RBFOX1: variants seen among roughly 807,000 people sequenced by gnomAD.
RBFOX1 encodes RNA binding protein fox-1 homolog 1.
Under a neutral mutation model 57.7 loss-of-function variants are expected in RBFOX1, and 8 were observed. The ratio of observed to expected loss-of-function variants is 0.14; its 90% confidence interval spans 0.08 to 0.25. The LOEUF is 0.25. Ranked by LOEUF, RBFOX1 falls within the 10% of genes least tolerant of loss-of-function variation. The pLI is 1.00. For synonymous variants in RBFOX1, 326 were observed against 222.4 expected (o/e 1.47, Z -4.15); for missense variants, 611 against 548.5 (o/e 1.11, Z -1.14).
At chr16:6,361,576 C>G (rs2088535589) in intron 2 of RBFOX1, among the ~76,000 whole-genome samples, 1 of 150,674 alleles carries the variant, frequency 6.6e-6, no homozygotes, top group Non-Finnish European at 1.5e-5. Context: ...TGCAGTGAGC[C>G]AAGATCGCGC....
At chr16:6,181,871 G>A (rs952141381) in intron 1 of RBFOX1, among the ~76,000 whole-genome samples, 10 of 152,124 alleles carry the variant, frequency 6.6e-5, no homozygotes, top group African/African-American at 1.9e-4. Context: ...TCTGGTTGTA[G>A]GTTCCTTCCA....
chr16:7,378,156 A>T (rs905434609), intron 4 of RBFOX1, among the ~76,000 whole-genome samples: 6 of 152,192 alleles, frequency 3.9e-5, no homozygotes, highest in African/African-American at 1.4e-4. Flanking sequence ...CGGCAGAGTA[A>T]GGCAGTATGA....
At chr16:6,894,931 C>G (rs117693899) in intron 3 of RBFOX1, among the ~76,000 whole-genome samples, 1,881 of 152,238 alleles carry the variant, frequency 0.012, 21 homozygotes, top group Non-Finnish European at 0.02. Context: ...CTCACTGTCT[C>G]CAAATGTTTT....
chr16:6,305,113 A>G (rs1384596072), intron 1 of RBFOX1, among the ~76,000 whole-genome samples: 5 of 152,298 alleles, frequency 3.3e-5, no homozygotes, highest in East Asian at 1.9e-4. Flanking sequence ...AAGCACATCA[A>G]TCAGTGTCTT....
At chr16:5,349,128 G>C (rs1448215279) in intron 1 of RBFOX1, among the ~76,000 whole-genome samples, 1 of 152,088 alleles carries the variant, frequency 6.6e-6, no homozygotes, top group Non-Finnish European at 1.5e-5. Context: ...AAGAAATCCC[G>C]ACATATGCAA....
chr16:5,990,280 C>T (rs756342240), intron 4 of RBFOX1, among the ~76,000 whole-genome samples: 4 of 152,150 alleles, frequency 2.6e-5, no homozygotes, highest in Admixed American at 6.5e-5. Context: ...CATGAGCCCA[C>T]TGTACCCAGC....
intron 3 of RBFOX1, among the ~76,000 whole-genome samples, chr16:5,787,145 A>G (rs545132245): frequency 6.6e-6 from 1 of 152,306 alleles, no homozygotes; most frequent in Admixed American, 6.5e-5. Flanking sequence ...CAAAAAAATA[A>G]TAACACAGGA....
chr16:6,941,004 G>GC (rs936149766), intron 3 of RBFOX1, among the ~76,000 whole-genome samples: 1 of 151,846 alleles, frequency 6.6e-6, no homozygotes, highest in African/African-American at 2.4e-5. Flanking sequence ...ACCACACCCG[G>GC]CCCCCCTTAT....
At chr16:6,273,385 C>A (rs1372342598) in intron 1 of RBFOX1, among the ~76,000 whole-genome samples, 2 of 122,804 alleles carry the variant, frequency 1.6e-5, no homozygotes, top group African/African-American at 3.0e-5. Flanking sequence ...ACTGTTGTTG[C>A]CCAGGCTGGA....
chr16:6,488,494 A>G (rs982498927), intron 2 of RBFOX1, among the ~76,000 whole-genome samples: 14 of 152,176 alleles, frequency 9.2e-5, no homozygotes, highest in Non-Finnish European at 2.1e-4. Flanking sequence ...CTCTGTTCTT[A>G]CAACTCTGCA....
In RBFOX1 at chr16:5,806,599, C is replaced by T. The variant is rs114524959; in HGVS notation, c.319-60704C>T. ...AACCTTAGCAGAGGTGAACAAGTTG[C>T]AAGTCTGCTTTGCTGTTCAAGGGTG... On this transcript the variant is annotated intron_variant, in intron 3 of 19. Transcript: ENST00000641259. Among the ~76,000 whole-genome samples, 1,093 of 152,300 alleles carry T rather than the reference C, an allele frequency of 7.2e-3. 14 individuals are homozygous for T. The highest frequency in any genetic ancestry group is 0.025 in the African/African-American group (1,022 of 41,570).
chr16:5,787,588 G>T (rs2054546901), intron 3 of RBFOX1, among the ~76,000 whole-genome samples: 1 of 152,212 alleles, frequency 6.6e-6, no homozygotes, highest in Admixed American at 6.5e-5. Flanking sequence ...ACAGTGATAA[G>T]TAAGTATATG....
At chr16:6,728,518 G>A (rs1044630989) in intron 3 of RBFOX1, among the ~76,000 whole-genome samples, 4 of 152,164 alleles carry the variant, frequency 2.6e-5, no homozygotes, top group Admixed American at 6.5e-5. Context: ...AATTCTCAAC[G>A]CATCTGAAGT....
At chr16:6,958,433 T>A (rs140414896) in intron 3 of RBFOX1, among the ~76,000 whole-genome samples, 1 of 152,284 alleles carries the variant, frequency 6.6e-6, no homozygotes, top group East Asian at 1.9e-4. Flanking sequence ...TAATAAAGCA[T>A]TGGGCAAGGA....
At chr16:5,606,707 G>C (rs771664844) in intron 3 of RBFOX1, among the ~76,000 whole-genome samples, 8 of 152,180 alleles carry the variant, frequency 5.3e-5, no homozygotes, top group Non-Finnish European at 1.0e-4. Context: ...AGAATATAAA[G>C]TTGAGTGGTA....
At chr16:6,913,561 T>C (rs1444877818) in intron 3 of RBFOX1, among the ~76,000 whole-genome samples, 1 of 152,154 alleles carries the variant, frequency 6.6e-6, no homozygotes, top group African/African-American at 2.4e-5. Context: ...TCAGGGTGTC[T>C]TTTGAAGGAG....
chr16:6,730,508 A>G (rs1042302212), intron 3 of RBFOX1, among the ~76,000 whole-genome samples: 1 of 152,140 alleles, frequency 6.6e-6, no homozygotes, highest in Non-Finnish European at 1.5e-5. Flanking sequence ...CTATCCATCT[A>G]TCTACCTGTC....
chr16:6,778,284 A>C (rs1445219501), intron 3 of RBFOX1, among the ~76,000 whole-genome samples: 1 of 152,142 alleles, frequency 6.6e-6, no homozygotes, highest in Non-Finnish European at 1.5e-5. Flanking sequence ...CAAAGTAACA[A>C]ACACATGCAA....
chr16:5,293,517 CT>C (rs1209800940), intron 1 of RBFOX1, among the ~76,000 whole-genome samples: 1 of 152,206 alleles, frequency 6.6e-6, no homozygotes, highest in Non-Finnish European at 1.5e-5. Flanking sequence ...AATACCAAGG[CT>C]CTCTCTCACT....
Sources: allele counts gnomAD v4.1 joint callset (sites outside exome capture counted in the v4.1 genomes callset), GRCh38; gene constraint gnomAD v4.1.1; transcripts MANE v1.5; gene names NCBI Gene and HGNC (gene_info 2026-07-23, HGNC 2026-07-21).